Variants in DESI2 observed in about 807,000 individuals in gnomAD.
The protein encoded by DESI2 is desumoylating isopeptidase 2, also known as deubiquitinase DESI2.
Under a neutral mutation model 24.1 loss-of-function variants are expected in DESI2, and 10 were observed. The observed-to-expected ratio is 0.41, with a 90% CI of 0.26 to 0.70. The LOEUF is 0.70. Among genes scored for constraint, DESI2 ranks in the 30% least tolerant of loss-of-function variants. The pLI is 0.29. For synonymous variants in DESI2, 71 were observed against 87.7 expected, an observed-to-expected ratio of 0.81 and a Z score of 1.06; for missense variants, 122 against 234.9, an observed-to-expected ratio of 0.52 and a Z score of 3.14.
At chr1:244,701,867 T>A (rs1465945839) in intron 4 of DESI2, among the ~76,000 whole-genome samples, 4 of 152,244 alleles carry the variant, frequency 2.6e-5, no homozygotes, top group African/African-American at 9.6e-5. Context: ...ATTCAACCTG[T>A]TAATGGCACT....
chr1:244,671,271 A>G (rs1676236216), intron 1 of DESI2, among the ~76,000 whole-genome samples: 1 of 152,186 alleles, frequency 6.6e-6, no homozygotes, highest in African/African-American at 2.4e-5. Context: ...AGTTGTCAGC[A>G]CTGGGCACTG....
At chr1:244,664,886 C>A (rs1050522972) in intron 1 of DESI2, among the ~76,000 whole-genome samples, 1 of 152,062 alleles carries the variant, frequency 6.6e-6, no homozygotes, top group South Asian at 2.1e-4. Flanking sequence ...TTTTTCCTTG[C>A]AAAAAATGAT....
At chr1:244,654,118 C>A in intron 1 of DESI2, 1 of 438,498 alleles carries the variant, frequency 2.3e-6, no homozygotes, top group Non-Finnish European at 4.7e-6. Context: ...CACGCAGAAT[C>A]GAGTCCAAGA....
intron 1 of DESI2, among the ~76,000 whole-genome samples, chr1:244,662,254 T>G (rs1349884913): frequency 6.6e-6 from 1 of 152,226 alleles, no homozygotes; most frequent in African/African-American, 2.4e-5. Flanking sequence ...GATGGGGTTG[T>G]TTGTTTTTTT....
chr1:244,703,660 CTTTTT>C (rs34869457), intron 4 of DESI2, among the ~76,000 whole-genome samples: 30 of 143,138 alleles, frequency 2.1e-4, no homozygotes, highest in African/African-American at 6.5e-4. Flanking sequence ...CTCATGTACA[CTTTTT>C]TTTTTTTTTT....
chr1:244,696,213 C>T (rs1216488516), intron 4 of DESI2, among the ~76,000 whole-genome samples: 1 of 152,202 alleles, frequency 6.6e-6, no homozygotes, highest in Non-Finnish European at 1.5e-5. Flanking sequence ...TTAATATTAT[C>T]CAAATAAACA....
intron 4 of DESI2, among the ~76,000 whole-genome samples, chr1:244,704,519 A>G (rs1019002743): frequency 1.2e-4 from 17 of 139,804 alleles, no homozygotes; most frequent in African/African-American, 3.7e-4. Context: ...GCAGATCATC[A>G]GCGGGCAGGG....
rs1676926462 is a variant in DESI2 at position 244,689,059 on chromosome 1, T to C, written c.116-190T>C. Among the ~76,000 whole-genome samples the C allele has an allele frequency of 6.6e-6, 1 of 152,218 alleles. No homozygotes were observed. The highest frequency in any genetic ancestry group is 1.5e-5 in the Non-Finnish European group (1 of 68,040). On this transcript the variant is annotated intron_variant, in intron 2 of 4. Coordinates refer to ENST00000302550, the MANE Select transcript of DESI2 (RefSeq NM_016076.5). This position sits in a 1 kb window ranked among gnomAD's most constrained non-coding sequence, Gnocchi z 4.0. The stretch of plus-strand genomic sequence containing the variant: ...GAATATCTTTGAGTGTCTTCTGTTA[T>C]TTGAGTTTCGGGTCTTTTGTGACAA...
At chr1:244,661,410 C>CT (rs914685816) in intron 1 of DESI2, among the ~76,000 whole-genome samples, 13 of 151,468 alleles carry the variant, frequency 8.6e-5, no homozygotes, top group African/African-American at 2.2e-4. Context: ...AGCTAATTTT[C>CT]TTTTTTTTTA....
chr1:244,660,257 C>T (rs1401657155), intron 1 of DESI2, among the ~76,000 whole-genome samples: 2 of 152,168 alleles, frequency 1.3e-5, no homozygotes, highest in African/African-American at 4.8e-5. Flanking sequence ...CCTCCGCCTC[C>T]TGGGTTCAAG....
chr1:244,699,083 A>T (rs959503176), intron 4 of DESI2, among the ~76,000 whole-genome samples: 2 of 152,084 alleles, frequency 1.3e-5, no homozygotes, highest in Admixed American at 6.5e-5. Context: ...CTACCTTTCT[A>T]CTGGTGCACA....
chr1:244,683,768 T>C (rs1187906160), intron 1 of DESI2, among the ~76,000 whole-genome samples: 1 of 152,050 alleles, frequency 6.6e-6, no homozygotes, highest in Non-Finnish European at 1.5e-5. Flanking sequence ...TTGCCCTGGC[T>C]GGAGTGCAGT....
Position 244,689,695 on chromosome 1 carries a change from A to G in DESI2, c.209+353A>G, listed in dbSNP as rs1676953657. Among the ~76,000 whole-genome samples the G allele has an allele frequency of 6.6e-6, 1 of 152,126 alleles. No homozygotes were observed. The highest frequency in any genetic ancestry group is 2.1e-4 in the South Asian group (1 of 4,822). ...CGGCTAATTTTTGTATTTTTAGTAG[A>G]GATGGAGTTTCGCCATGTTGGCCAG... On this transcript the variant is annotated intron_variant, in intron 3 of 4. Transcript: ENST00000302550. The surrounding 1 kb of genome is among the most constrained non-coding windows in gnomAD (Gnocchi z 4.0).
intron 1 of DESI2, among the ~76,000 whole-genome samples, chr1:244,670,848 C>T (rs1676220411): frequency 6.6e-6 from 1 of 152,218 alleles, no homozygotes; most frequent in Admixed American, 6.5e-5. Context: ...GCCTTCACTA[C>T]AGTCCAAATG....
At chr1:244,671,835 A>G (rs1558654875) in intron 1 of DESI2, among the ~76,000 whole-genome samples, 1 of 152,248 alleles carries the variant, frequency 6.6e-6, no homozygotes, top group South Asian at 2.1e-4. Flanking sequence ...AAACATATCA[A>G]TATTTTATGG....
At position 244,689,157 on chromosome 1, in the gene DESI2, G is replaced by A; in HGVS notation, c.116-92G>A. 1 of 695,910 alleles carries A rather than the reference G, an allele frequency of 1.4e-6. No individual in the cohort carries two copies. The highest frequency in any genetic ancestry group is 1.8e-5 in the South Asian group (1 of 56,000). 43.1% of individuals were successfully genotyped at this position (695,910 alleles called of 1,614,324 possible). Reference sequence around the variant, plus strand: ...ATAAACTGAAAAATATTTAGATGGTGTCACTGTTATCCTCAATTATTAAAG... The same window carrying A: ...ATAAACTGAAAAATATTTAGATGGTATCACTGTTATCCTCAATTATTAAAG... On this transcript the variant is annotated intron_variant, in intron 2 of 4. Coordinates refer to ENST00000302550, the MANE Select transcript of DESI2 (RefSeq NM_016076.5). This position sits in a 1 kb window ranked among gnomAD's most constrained non-coding sequence, Gnocchi z 4.0.
intron 1 of DESI2, among the ~76,000 whole-genome samples, chr1:244,659,973 G>A (rs1425901925): frequency 2.6e-5 from 4 of 152,180 alleles, no homozygotes; most frequent in East Asian, 1.9e-4. Flanking sequence ...GGGTCCAAGC[G>A]TATTGGTGAC....
Position 244,707,746 on chromosome 1 carries a change from A to G in DESI2, c.*1957A>G, listed in dbSNP as rs969147682. On this transcript the variant is annotated 3_prime_UTR_variant, in exon 5 of 5. Transcript: ENST00000302550. ...AGTAGCCATTAGTTAGACTCTTCTTAGTGAATATCAGGAACATCCCATCTG... is the reference window on the plus strand; with the variant it reads ...AGTAGCCATTAGTTAGACTCTTCTTGGTGAATATCAGGAACATCCCATCTG... 6.6e-6 allele frequency: 1 copy of G among 152,254 alleles called. No homozygotes were observed. Among genetic ancestry groups the G allele is most frequent in the African/African-American group, 2.4e-5 (1 of 41,456 alleles). The allele number at this position is 152,254 out of a possible 1,614,324, so 9.4% of individuals were successfully genotyped here.
At chr1:244,669,379 A>T (rs1032189293) in intron 1 of DESI2, among the ~76,000 whole-genome samples, 5 of 152,002 alleles carry the variant, frequency 3.3e-5, no homozygotes, top group South Asian at 4.2e-4. Context: ...ATTCTTGCTT[A>T]AAAAAAGAAA....
Sources: gnomAD v4.1 joint callset for allele counts (sites outside exome capture counted in the v4.1 genomes callset) on GRCh38, gnomAD v4.1.1 for gene constraint, Gnocchi (gnomAD v3.1) non-coding constraint, MANE v1.5 for transcripts, NCBI Gene and HGNC (gene_info 2026-07-23, HGNC 2026-07-21) for gene names.